GALNT17: variants seen among roughly 807,000 people sequenced by gnomAD.
GALNT17 encodes polypeptide N-acetylgalactosaminyltransferase 17.
In GALNT17, 29 loss-of-function variants were observed where a neutral mutation model predicts 63.7. The ratio of observed to expected loss-of-function variants is 0.46; its 90% CI spans 0.34 to 0.62. The LOEUF is 0.62. Ranked by LOEUF, GALNT17 falls within the 20% of genes least tolerant of loss-of-function variation. GALNT17 has a pLI of 0.01. For missense variants in GALNT17, 603 were observed against 799.6 expected (o/e 0.75, Z 2.97); for synonymous variants, 305 against 318.3 (o/e 0.96, Z 0.45).
intron 9 of GALNT17, among the ~76,000 whole-genome samples, chr7:71,694,323 C>T (rs1791507420): frequency 6.6e-6 from 1 of 151,340 alleles, no homozygotes; most frequent in African/African-American, 2.4e-5. Context: ...TATCAATCTC[C>T]ATAAATGCAC....
At chr7:71,295,938 C>T (rs1562978893) in intron 1 of GALNT17, among the ~76,000 whole-genome samples, 1 of 151,640 alleles carries the variant, frequency 6.6e-6, no homozygotes, top group Non-Finnish European at 1.5e-5. Context: ...TTTTCCCAGC[C>T]TGTCATCTGA....
intron 5 of GALNT17, among the ~76,000 whole-genome samples, chr7:71,426,893 C>T (rs949382920): frequency 6.6e-6 from 1 of 151,450 alleles, no homozygotes; most frequent in Non-Finnish European, 1.5e-5. Flanking sequence ...GCACTCCAGC[C>T]TGGCTGACAG....
intron 6 of GALNT17, among the ~76,000 whole-genome samples, chr7:71,614,390 G>A (rs2116958007): frequency 6.6e-6 from 1 of 150,924 alleles, no homozygotes; most frequent in African/African-American, 2.4e-5. Context: ...CCCCAAATTT[G>A]AAAAGATCCA....
intron 6 of GALNT17, among the ~76,000 whole-genome samples, chr7:71,659,812 A>G (rs1057151181): frequency 6.6e-6 from 1 of 152,204 alleles, no homozygotes; most frequent in Non-Finnish European, 1.5e-5. Context: ...AGGTCATTGC[A>G]ACTGTGCTGG....
chr7:71,327,911 G>A (rs2116045052), intron 1 of GALNT17, among the ~76,000 whole-genome samples: 1 of 152,118 alleles, frequency 6.6e-6, no homozygotes, highest in East Asian at 1.9e-4. Flanking sequence ...AAAGAGATGG[G>A]AGAATAAGTA....
chr7:71,470,453 A>G (rs1183800304), intron 5 of GALNT17, among the ~76,000 whole-genome samples: 1 of 152,060 alleles, frequency 6.6e-6, no homozygotes, highest in African/African-American at 2.4e-5. Context: ...GCCTCTTCCC[A>G]GTGCTTCCTG....
At chr7:71,701,828 C>CGTATATATATGTGTATATATATATAT (rs1791643460) in intron 9 of GALNT17, among the ~76,000 whole-genome samples, 12 of 9,902 alleles carry the variant, frequency 1.2e-3, no homozygotes, top group African/African-American at 2.1e-3. Context: ...CATATATATA[C>CGTATATATATGTGTATATATATATAT]ACATATATAT....
intron 3 of GALNT17, among the ~76,000 whole-genome samples, chr7:71,406,756 C>T (rs1045114825): frequency 5.9e-5 from 8 of 136,678 alleles, no homozygotes; most frequent in South Asian, 2.3e-4. Context: ...TTTTTGAGAT[C>T]GCATCTTACT....
chr7:71,552,342 G>A (rs867548492), intron 5 of GALNT17, among the ~76,000 whole-genome samples: 2 of 151,946 alleles, frequency 1.3e-5, no homozygotes, highest in Non-Finnish European at 2.9e-5. Flanking sequence ...GCTGTGCCTG[G>A]CATATAGCAC....
chr7:71,524,749 T>C (rs577752671), intron 5 of GALNT17, among the ~76,000 whole-genome samples: 6 of 152,334 alleles, frequency 3.9e-5, no homozygotes, highest in Admixed American at 3.3e-4. Context: ...AACATGGCCT[T>C]ATTTTCTTAG....
chr7:71,411,394 A>T (rs1172155113), intron 3 of GALNT17, among the ~76,000 whole-genome samples: 1 of 152,082 alleles, frequency 6.6e-6, no homozygotes, highest in Non-Finnish European at 1.5e-5. Flanking sequence ...GGCTGGGATT[A>T]TAGGAATGAG....
chr7:71,649,205 C>T (rs1790721468), intron 6 of GALNT17, among the ~76,000 whole-genome samples: 1 of 152,114 alleles, frequency 6.6e-6, no homozygotes, highest in Admixed American at 6.6e-5. Context: ...CTGTCCTGGC[C>T]CAGATCTCAT....
At chr7:71,694,741 A>G (rs1310297345) in intron 9 of GALNT17, among the ~76,000 whole-genome samples, 2 of 152,218 alleles carry the variant, frequency 1.3e-5, no homozygotes, top group Non-Finnish European at 2.9e-5. Flanking sequence ...CCATAGGGCT[A>G]AAGTAATTGG....
At chr7:71,562,153 C>G (rs147387769) in intron 5 of GALNT17, among the ~76,000 whole-genome samples, 10 of 152,166 alleles carry the variant, frequency 6.6e-5, no homozygotes, top group Non-Finnish European at 7.4e-5. Flanking sequence ...GGTAGAAATA[C>G]ATAGTCTCAC....
At chr7:71,253,271 G>A (rs189018344) in intron 1 of GALNT17, among the ~76,000 whole-genome samples, 49 of 152,278 alleles carry the variant, frequency 3.2e-4, no homozygotes, top group East Asian at 2.1e-3. Flanking sequence ...CAATCATGGC[G>A]GAAGGCAAAA....
intron 6 of GALNT17, among the ~76,000 whole-genome samples, chr7:71,664,036 T>A (rs1007076371): frequency 1.5e-5 from 2 of 133,720 alleles, no homozygotes; most frequent in African/African-American, 6.3e-5. Context: ...TACAATAAGG[T>A]TTTTTTTTTT....
In GALNT17 at chr7:71,701,253, G is replaced by A. The variant is rs552045676; in HGVS notation, c.1501-9508G>A. On this transcript the variant is annotated intron_variant, in intron 9 of 10. Coordinates refer to ENST00000333538, the MANE Select transcript of GALNT17 (RefSeq NM_022479.3). ...TGTAATCCCAGCACTTTGGGAGGCC[G>A]AGGTAGGCAGATCACCTGAGGTCAG... is the stretch of plus-strand genomic sequence containing the variant. Among the ~76,000 whole-genome samples the A allele has an allele frequency of 7.9e-5, 12 of 152,262 alleles. No homozygotes were observed. The South Asian group carries it at 8.3e-4, about 11-fold the overall frequency.
chr7:71,555,892 G>C (rs550846124), intron 5 of GALNT17, among the ~76,000 whole-genome samples: 1 of 152,336 alleles, frequency 6.6e-6, no homozygotes, highest in African/African-American at 2.4e-5. Flanking sequence ...TCGTGCGCTT[G>C]AAATCCGGGC....
chr7:71,377,114 A>AAAAAAATATATATATATATATAT, intron 2 of GALNT17, among the ~76,000 whole-genome samples: 3 of 57,484 alleles, frequency 5.2e-5, no homozygotes, highest in East Asian at 9.2e-4. Flanking sequence ...AAATAAAAAA[A>AAAAAAATATATATATATATATAT]ATATATATAT....
Sources: gnomAD v4.1 joint callset for allele counts (sites outside exome capture counted in the v4.1 genomes callset) on GRCh38, gnomAD v4.1.1 for gene constraint, MANE v1.5 for transcripts, NCBI Gene and HGNC (gene_info 2026-07-23, HGNC 2026-07-21) for gene names.